The following EVL variants were observed in gnomAD, a reference collection of about 807,000 sequenced individuals.
EVL encodes ena/VASP-like protein.
Under a neutral mutation model 59.6 loss-of-function variants are expected in EVL, and 21 were observed. The observed-to-expected ratio is 0.35, with a 90% CI of 0.25 to 0.51. The LOEUF is 0.51. Among genes scored for constraint, EVL ranks in the 20% least tolerant of loss-of-function variants. EVL has a pLI of 0.97. For synonymous variants in EVL, 198 were observed against 203.5 expected, an observed-to-expected ratio of 0.97 and a Z score of 0.23; for missense variants, 462 against 546.6, an observed-to-expected ratio of 0.85 and a Z score of 1.54.
At chr14:100,019,632 A>G in intron 1 of EVL, 3 of 1,529,824 alleles carry the variant, frequency 2.0e-6, no homozygotes, top group Non-Finnish European at 1.7e-6. Context: ...AAAGACTACC[A>G]CACAATCTAA....
intron 4 of EVL, 138 bp from the exon 5 acceptor site, chr14:100,126,569 C>G (rs1244847766): frequency 2.5e-6 from 2 of 808,940 alleles, no homozygotes; most frequent in Non-Finnish European, 4.1e-6. Flanking sequence ...GTGGAGGCAG[C>G]CGTGGCACAC....
chr14:100,090,824 G>A (rs1422947861), intron 2 of EVL, among the ~76,000 whole-genome samples: 4 of 152,074 alleles, frequency 2.6e-5, no homozygotes, highest in Admixed American at 1.3e-4. Context: ...CATAGCTGAC[G>A]TCATAGTATC....
At chr14:100,055,308 G>T (rs74502961) in intron 1 of EVL, among the ~76,000 whole-genome samples, 3 of 151,704 alleles carry the variant, frequency 2.0e-5, no homozygotes, top group Non-Finnish European at 2.9e-5. Flanking sequence ...TTTTCTCTGC[G>T]CATAATGTTT....
chr14:100,026,394 T>TTGGC (rs1170453675), intron 1 of EVL, among the ~76,000 whole-genome samples: 10 of 151,334 alleles, frequency 6.6e-5, no homozygotes, highest in South Asian at 6.3e-4. Flanking sequence ...AGGGAATCAG[T>TTGGC]CAGTTTCAGT....
At chr14:100,090,150 C>T (rs1356020292) in intron 2 of EVL, among the ~76,000 whole-genome samples, 4 of 151,422 alleles carry the variant, frequency 2.6e-5, no homozygotes, top group South Asian at 2.1e-4. Context: ...CACAAAATGT[C>T]GCGGTTTTTT....
chr14:100,097,716 C>T, intron 3 of EVL, 58 bp downstream of exon 3: 3 of 1,497,904 alleles, frequency 2.0e-6, no homozygotes, highest in Non-Finnish European at 2.7e-6. Context: ...TACCTCTGCC[C>T]TCCCACAGCT....
At chr14:100,070,259 C>T (rs1418191353) in intron 1 of EVL, among the ~76,000 whole-genome samples, 4 of 151,960 alleles carry the variant, frequency 2.6e-5, no homozygotes, top group Non-Finnish European at 1.5e-5. Flanking sequence ...AGAGCAAGAC[C>T]CTACCTCAAA....
At chr14:100,081,792 A>G (rs555313785) in intron 1 of EVL, among the ~76,000 whole-genome samples, 2 of 152,278 alleles carry the variant, frequency 1.3e-5, no homozygotes, top group African/African-American at 4.8e-5. Context: ...AAACCCACAC[A>G]GCGTTTGCTT....
In EVL at chr14:99,980,384, G is replaced by A. The variant is rs2060798659; in HGVS notation, c.5+8327G>A. The stretch of plus-strand genomic sequence containing the variant: ...GTTGTGGCTGGTAATGCCTACATGA[G>A]TGAGAATCACCTCTAATTCTCAGAA... On this transcript the variant is annotated intron_variant, in intron 1 of 13. Coordinates refer to the EVL transcript ENST00000402714. Among the ~76,000 whole-genome samples, 3 of 152,148 alleles carry A rather than the reference G, an allele frequency of 2.0e-5. 1 individual carries two copies. Among genetic ancestry groups the A allele is most frequent in the South Asian group, 4.1e-4 (2 of 4,830 alleles).
At chr14:100,141,615 G>T (rs1399088873) in intron 12 of EVL, 121 bp from the exon 13 acceptor site, 8 of 876,198 alleles carry the variant, frequency 9.1e-6, no homozygotes, top group South Asian at 1.8e-5. Flanking sequence ...GGAGACAAGG[G>T]TGACAGATGC....
intron 1 of EVL, among the ~76,000 whole-genome samples, chr14:100,028,575 G>C (rs2061259397): frequency 6.6e-6 from 1 of 152,188 alleles, no homozygotes; most frequent in Non-Finnish European, 1.5e-5. Context: ...CACTTTGGGA[G>C]GCTGAGGCGG....
chr14:100,021,827 G>A (rs941760809), intron 1 of EVL, among the ~76,000 whole-genome samples: 2 of 152,150 alleles, frequency 1.3e-5, no homozygotes, highest in African/African-American at 4.8e-5. Context: ...CAGGGTGGAG[G>A]TACGGGTAAG....
intron 3 of EVL, among the ~76,000 whole-genome samples, chr14:100,101,236 A>G (rs1283103041): frequency 6.6e-6 from 1 of 152,092 alleles, no homozygotes; most frequent in African/African-American, 2.4e-5. Context: ...TGTAATCCCA[A>G]TACTTGGGGA....
chr14:100,104,979 G>A (rs982427745), intron 3 of EVL, among the ~76,000 whole-genome samples: 1 of 144,708 alleles, frequency 6.9e-6, no homozygotes, highest in Non-Finnish European at 1.5e-5. Flanking sequence ...ATGGGAGCTG[G>A]CCTCACAGAG....
intron 2 of EVL, among the ~76,000 whole-genome samples, chr14:100,094,971 G>A (rs1885703127): frequency 6.6e-6 from 1 of 151,992 alleles, no homozygotes; most frequent in Admixed American, 6.6e-5. Context: ...AACCCGGGAG[G>A]TGGAGGTTGC....
At chr14:100,088,059 C>T (rs944628633) in intron 2 of EVL, among the ~76,000 whole-genome samples, 6 of 152,194 alleles carry the variant, frequency 3.9e-5, no homozygotes, top group African/African-American at 2.4e-5. Context: ...AGGAATATTG[C>T]GTGGATGCTA....
intron 3 of EVL, among the ~76,000 whole-genome samples, chr14:100,111,731 C>G (rs1298543370): frequency 6.6e-6 from 1 of 152,130 alleles, no homozygotes; most frequent in African/African-American, 2.4e-5. Flanking sequence ...GATCTTGGCT[C>G]CCTGAGATTG....
At chr14:100,137,881 G>A (rs755908114) in intron 11 of EVL, 79 bp downstream of exon 11, 17 of 1,398,054 alleles carry the variant, frequency 1.2e-5, no homozygotes, top group Non-Finnish European at 1.6e-5. Context: ...TAACACCCTT[G>A]CACGCTGTCT....
At chr14:100,090,981 T>A (rs2140310417) in intron 2 of EVL, among the ~76,000 whole-genome samples, 1 of 152,200 alleles carries the variant, frequency 6.6e-6, no homozygotes, top group African/African-American at 2.4e-5. Flanking sequence ...CTACAAACTA[T>A]TATAGTAATA....
Sources: allele counts gnomAD v4.1 joint callset (sites outside exome capture counted in the v4.1 genomes callset), GRCh38; gene constraint gnomAD v4.1.1; transcripts MANE v1.5; gene names NCBI Gene and HGNC (gene_info 2026-07-23, HGNC 2026-07-21).